Variants in CROCC observed in about 807,000 individuals in gnomAD.
The protein encoded by CROCC is rootletin.
CROCC carries 180 observed loss-of-function variants against 245.2 expected under a neutral mutation model. That is an observed-to-expected ratio of 0.73 (90% confidence interval 0.65 to 0.83). CROCC has a LOEUF of 0.83. CROCC is among the 40% of genes least tolerant of loss of function. The probability of loss-of-function intolerance (pLI) is 0.00; values close to 1 mark genes in which losing one functional copy is unlikely to be tolerated. For synonymous variants in CROCC, 1,205 were observed against 1,241.6 expected, an observed-to-expected ratio of 0.97 and a Z score of 0.62; for missense variants, 2,688 against 2,779.4, an observed-to-expected ratio of 0.97 and a Z score of 0.74.
chr1:16,918,229 G>A (rs1231871517), upstream of CROCC, among the ~76,000 whole-genome samples: 2 of 150,322 alleles, frequency 1.3e-5, no homozygotes, highest in Admixed American at 6.6e-5. Context: ...AGGGGCTGGT[G>A]AGCCAAGATT....
At chr1:16,918,585 G>A (rs1268313184), upstream of CROCC, among the ~76,000 whole-genome samples, 15 of 152,230 alleles carry the variant, frequency 9.9e-5, no homozygotes, top group Admixed American at 9.8e-4. Flanking sequence ...GGCTGGACAT[G>A]CTGGTCCAGG....
Position 16,951,089 on chromosome 1 carries a change from C to G in CROCC, c.2973C>G (p.His991Gln), listed in dbSNP as rs371707947. Reference protein sequence around the residue: ...QASLREQRAAHEEDLQRLQRE... With the variant: ...QASLREQRAAQEEDLQRLQRE... ...CTCTGCGGGAGCAGCGGGCAGCTCACGAGGAGGACTTACAGCGACTCCAGC... is the reference window on the plus strand; with the variant it reads ...CTCTGCGGGAGCAGCGGGCAGCTCAGGAGGAGGACTTACAGCGACTCCAGC... The change falls in exon 20 of 37, where the codon CAC (histidine) becomes CAG (glutamine). Residue 991 changes from histidine (H) to glutamine (Q), a missense_variant. Around this residue, in one of 9 missense-constraint regions of CROCC, gnomAD observed 106 missense variants for 126.1 expected, o/e 0.84. Transcript: ENST00000375541. 4.4e-6 allele frequency: 7 copies of G among 1,588,014 alleles called. No homozygotes were observed. The highest frequency in any genetic ancestry group is 5.1e-6 in the Non-Finnish European group (6 of 1,168,702).
intron 7 of CROCC, 69 bp downstream of exon 7, chr1:16,930,663 C>T: frequency 6.8e-7 from 1 of 1,473,196 alleles, no homozygotes; most frequent in East Asian, 2.4e-5. Flanking sequence ...AGGGAGGACT[C>T]AGAAGCCTGG....
rs1324561599 is a variant in CROCC at position 16,966,094 on chromosome 1, G to A, written c.4671G>A (p.Gln1557=). 2 of 1,613,196 alleles carry A rather than the reference G, an allele frequency of 1.2e-6. No individual in the cohort carries two copies. The highest frequency in any genetic ancestry group is 2.7e-5 in the African/African-American group (2 of 74,932). Residue 1557 remains glutamine (Q), a synonymous_variant, in exon 29 of 37, where the codon CAG becomes CAA. Coordinates refer to ENST00000375541, the MANE Select transcript of CROCC (RefSeq NM_014675.5). This position sits in a 1 kb window ranked among gnomAD's most constrained non-coding sequence, Gnocchi z 4.8. ...DSATSRARQL[Q]KAVAESEEAR... is the part of the protein sequence containing the mutation. ...CAACCTCGAGGGCCAGGCAGCTGCA[G>A]AAGGCGGTGGCTGAGAGTGAGGAAG...
chr1:16,933,378 A>C (rs2075720947), intron 8 of CROCC, among the ~76,000 whole-genome samples: 1 of 152,196 alleles, frequency 6.6e-6, no homozygotes, highest in Non-Finnish European at 1.5e-5. Flanking sequence ...GAGGCCCCAG[A>C]CTCGCCTGAA....
Position 16,972,515 on chromosome 1 carries a change from C to T in CROCC, c.*69C>T. 2.9e-6 allele frequency: 3 copies of T among 1,050,392 alleles called. No individual in the cohort carries two copies. Among genetic ancestry groups the T allele is most frequent in the South Asian group, 1.7e-5 (1 of 58,826 alleles). The allele number at this position is 1,050,392 out of a possible 1,614,324, so 65.1% of individuals were successfully genotyped here. On this transcript the variant is annotated 3_prime_UTR_variant, in exon 37 of 37. Coordinates refer to ENST00000375541, the MANE Select transcript of CROCC (RefSeq NM_014675.5). ...GGAGGACCCTTCTTTTGGACAGCCC[C>T]CCCACCCAGAGCCCGGTCCCTTGGG...
At chr1:16,930,391 CT>C in intron 6 of CROCC, 37 bp from the exon 7 acceptor site, 1 of 1,611,206 alleles carries the variant, frequency 6.2e-7, no homozygotes, top group Non-Finnish European at 8.5e-7. Flanking sequence ...GGATGGCCCC[CT>C]GCGCGAGCGC....
In CROCC at chr1:16,966,180, G is replaced by C; in HGVS notation, c.4696+61G>C. ...TGTGTTTTGGGCAGTTGAGGCAGGAGCCGGGGGATTGGCCTCTGACCTTGC... is the reference window on the plus strand; with the variant it reads ...TGTGTTTTGGGCAGTTGAGGCAGGACCCGGGGGATTGGCCTCTGACCTTGC... On this transcript the variant is annotated intron_variant, in intron 29 of 36. Coordinates refer to ENST00000375541, the MANE Select transcript of CROCC (RefSeq NM_014675.5). This position sits in a 1 kb window ranked among gnomAD's most constrained non-coding sequence, Gnocchi z 4.8. The C allele has an allele frequency of 6.4e-7, 1 of 1,560,634 alleles. No homozygotes were observed. The highest frequency in any genetic ancestry group is 8.7e-7 in the Non-Finnish European group (1 of 1,148,216).
chr1:16,950,633 C>T (rs1188367786), intron 19 of CROCC, among the ~76,000 whole-genome samples: 3 of 152,260 alleles, frequency 2.0e-5, no homozygotes, highest in African/African-American at 4.8e-5. Flanking sequence ...GCTGGGATTA[C>T]AGGCGTGAGC....
chr1:16,961,565 C>T (rs187147070), intron 27 of CROCC, among the ~76,000 whole-genome samples: 134 of 152,202 alleles, frequency 8.8e-4, no homozygotes, highest in Non-Finnish European at 7.4e-5. Context: ...CCACGGCACC[C>T]GGTCTAGGCC....
At chr1:16,925,850 G>A (rs1454924521) in intron 3 of CROCC, among the ~76,000 whole-genome samples, 3 of 152,262 alleles carry the variant, frequency 2.0e-5, no homozygotes, top group African/African-American at 7.2e-5. Context: ...CCCAGGGTCT[G>A]CAGCGGGTGT....
In CROCC at chr1:16,965,872, C is replaced by T. The variant is rs751677447; in HGVS notation, c.4555C>T (p.Arg1519Trp). ...CCTCCGGGAATTCCTGCAAGAGCTG[C>T]GGAGTGCCCAGAGAGAACGGGTAAG... The part of the protein sequence containing the change: ...GALREFLQEL[R>W]SAQRERDELR... Residue 1519 changes from arginine (R) to tryptophan (W), a missense_variant, in exon 28 of 37, where the codon CGG (arginine) becomes TGG (tryptophan). Physicochemically the swap from Arg to Trp is moderately radical, Grantham distance 101. Coordinates refer to ENST00000375541, the MANE Select transcript of CROCC (RefSeq NM_014675.5). 14 of 1,613,352 alleles carry T rather than the reference C, an allele frequency of 8.7e-6. No individual in the cohort carries two copies. The highest frequency in any genetic ancestry group is 3.3e-5 in the Admixed American group (2 of 59,996).
chr1:16,946,954 G>A lies in CROCC; in HGVS notation c.2477G>A (p.Arg826His), dbSNP rs553679132. The change falls in exon 17 of 37, where the codon CGC (arginine) becomes CAC (histidine). Residue 826 changes from arginine to histidine, a missense_variant. Arg to His is a conservative substitution (Grantham distance 29). Around this residue, in one of 9 missense-constraint regions of CROCC, gnomAD observed 295 missense variants for 241.7 expected, o/e 1.22. Transcript: ENST00000375541. ...TTGGAGCAGCAGCTCCCCACGCTGC[G>A]CCATGAGCGCAGCCAGCTGCAGGAG... ...EALEQQLPTL[R>H]HERSQLQEQL... is the part of the protein sequence containing the mutation. The A allele has an allele frequency of 2.4e-4, 376 of 1,556,668 alleles. No homozygotes were observed. In the Middle Eastern group the frequency reaches 2.7e-3, roughly 11 times the overall value.
Position 16,969,250 on chromosome 1 carries a change from G to A in CROCC, c.5211G>A (p.Gln1737=). 2 of 1,613,466 alleles carry A rather than the reference G, an allele frequency of 1.2e-6. No homozygotes were observed. The highest frequency in any genetic ancestry group is 1.7e-6 in the Non-Finnish European group (2 of 1,179,886). The change falls in exon 32 of 37, where the codon CAG becomes CAA. Residue 1737 remains glutamine, a synonymous_variant. Transcript: ENST00000375541. ...KVRGLTEALA[Q]SSASLNSTRD... ...GGGGCCTGACAGAGGCCCTGGCCCA[G>A]AGCAGTGCCAGCCTCAACAGCACCC...
rs762562310 is a variant in CROCC at position 16,930,513 on chromosome 1, C to G, written c.768C>G (p.Asp256Glu). 16 of 1,612,370 alleles carry G rather than the reference C, an allele frequency of 9.9e-6. No individual in the cohort carries two copies. Among genetic ancestry groups the G allele is most frequent in the African/African-American group, 4.0e-5 (3 of 74,932 alleles). Reference protein sequence around the residue: ...AGSANQALSEDIRKVTNDWTR... With the variant: ...AGSANQALSEEIRKVTNDWTR... Reference sequence around the variant, plus strand: ...CGGCCAACCAGGCTCTGAGTGAGGACATACGAAAGGTGACCAATGACTGGA... The same window carrying G: ...CGGCCAACCAGGCTCTGAGTGAGGAGATACGAAAGGTGACCAATGACTGGA... The change falls in exon 7 of 37, where the codon GAC (aspartate) becomes GAG (glutamate). Residue 256 changes from aspartate to glutamate, a missense_variant. By Grantham distance (45) the Asp-to-Glu change is conservative. Transcript: ENST00000375541.
chr1:16,936,400 T>C (rs1402793031), intron 8 of CROCC, among the ~76,000 whole-genome samples: 1 of 152,290 alleles, frequency 6.6e-6, no homozygotes, highest in Non-Finnish European at 1.5e-5. Context: ...CCCAAGCGGC[T>C]GGGACTACAG....
intron 27 of CROCC, 129 bp from the exon 28 acceptor site, chr1:16,965,594 C>T: frequency 2.7e-6 from 2 of 737,236 alleles, no homozygotes; most frequent in Non-Finnish European, 4.7e-6. Flanking sequence ...GCAAGAAGAC[C>T]CCTAAGCTAT....
intron 32 of CROCC, 123 bp downstream of exon 32, chr1:16,969,463 C>A: frequency 1.9e-6 from 2 of 1,034,614 alleles, no homozygotes; most frequent in Non-Finnish European, 2.9e-6. Context: ...CCAATGAGAG[C>A]AGGCTTTGAA....
At chr1:16,939,224 G>A (rs2075865796) in intron 12 of CROCC, 82 bp downstream of exon 12, 2 of 1,205,676 alleles carry the variant, frequency 1.7e-6, no homozygotes, top group Non-Finnish European at 2.2e-6. Flanking sequence ...GCGGGGGCGG[G>A]GGCAGGTCCG....
Sources: gnomAD v4.1 joint callset for allele counts (sites outside exome capture counted in the v4.1 genomes callset) on GRCh38, gnomAD v4.1.1 for gene constraint, gnomAD v4.1.1 regional missense constraint, Gnocchi (gnomAD v3.1) non-coding constraint, MANE v1.5 for transcripts, NCBI Gene and HGNC (gene_info 2026-07-23, HGNC 2026-07-21) for gene names.